PRDM6: variants seen among roughly 807,000 people sequenced by gnomAD.
PRDM6 encodes PR/SET domain 6.
Under a neutral mutation model 60.8 loss-of-function variants are expected in PRDM6, and 25 were observed. That is an observed-to-expected ratio of 0.41 (90% CI 0.30 to 0.57). The LOEUF is 0.57. PRDM6 is among the 20% of genes least tolerant of loss of function. The pLI is 0.27. For missense variants in PRDM6, 839 were observed against 821.3 expected (o/e 1.02, Z -0.26); for synonymous variants, 407 against 357.4 (o/e 1.14, Z -1.57).
intron 3 of PRDM6, among the ~76,000 whole-genome samples, chr5:123,145,007 T>C (rs1019008642): frequency 2.0e-5 from 3 of 152,170 alleles, no homozygotes; most frequent in African/African-American, 4.8e-5. Flanking sequence ...CACAAGGCAC[T>C]ATATGCCAAG....
intron 2 of PRDM6, among the ~76,000 whole-genome samples, chr5:123,092,712 C>T (rs1763869268): frequency 6.6e-6 from 1 of 152,042 alleles, no homozygotes; most frequent in Non-Finnish European, 1.5e-5. Flanking sequence ...ATTAGATTGT[C>T]CTATTAGAGT....
intron 3 of PRDM6, among the ~76,000 whole-genome samples, chr5:123,125,466 G>A (rs1024635758): frequency 6.6e-6 from 1 of 152,204 alleles, no homozygotes; most frequent in Admixed American, 6.5e-5. Flanking sequence ...AAGCTGCGTA[G>A]CACAGTTTAT....
intron 6 of PRDM6, among the ~76,000 whole-genome samples, chr5:123,172,486 A>G (rs1340313553): frequency 6.6e-6 from 1 of 152,214 alleles, no homozygotes; most frequent in Non-Finnish European, 1.5e-5. Context: ...TAGAGGTGAT[A>G]CAAAAGTTAA....
rs180683471 is a variant in PRDM6 at position 123,168,989 on chromosome 5, G to A, written c.1154-1777G>A. On this transcript the variant is annotated intron_variant, in intron 5 of 7. Coordinates refer to ENST00000407847, the MANE Select transcript of PRDM6 (RefSeq NM_001136239.4). ...CTTCGTGCCATGTAGCATTCTCAGA[G>A]ATGATCTGTGGCACAGCATGAGGAG... Among the ~76,000 whole-genome samples, 956 of 152,360 alleles carry A rather than the reference G, an allele frequency of 6.3e-3. 13 individuals carry two copies. Among genetic ancestry groups the A allele is most frequent in the African/African-American group, 0.022 (911 of 41,592 alleles).
chr5:123,145,220 A>T (rs375464), intron 3 of PRDM6, among the ~76,000 whole-genome samples: 81,867 of 152,102 alleles, frequency 0.54, 22,211 homozygotes, highest in East Asian at 0.61. Flanking sequence ...TAGGAATCCC[A>T]TTCTAGACAA....
In PRDM6 at chr5:123,090,048, T is replaced by C; in HGVS notation, c.34T>C (p.Phe12Leu). The C allele has an allele frequency of 6.5e-7, 1 of 1,548,140 alleles. No individual in the cohort carries two copies. Among genetic ancestry groups the C allele is most frequent in the Non-Finnish European group, 8.7e-7 (1 of 1,145,970 alleles). ...GCCCGGAGACCCCGGCGGTTCGGCCTTCCTCAAAGTGGACCCAGCCTACCT... is the reference window on the plus strand; with the variant it reads ...GCCCGGAGACCCCGGCGGTTCGGCCCTCCTCAAAGTGGACCCAGCCTACCT... ...LKPGDPGGSA[F>L]LKVDPAYLQH... Residue 12 changes from phenylalanine to leucine, a missense_variant, in exon 2 of 8, where the codon TTC becomes CTC. By Grantham distance (22) the Phe-to-Leu change is conservative. This residue lies in a region of PRDM6 where 730 missense variants were observed against 648.8 expected (regional missense o/e 1.13). Coordinates refer to ENST00000407847, the MANE Select transcript of PRDM6 (RefSeq NM_001136239.4).
At chr5:123,186,492 T>C (rs1766292206) in intron 7 of PRDM6, among the ~76,000 whole-genome samples, 1 of 152,218 alleles carries the variant, frequency 6.6e-6, no homozygotes, top group South Asian at 2.1e-4. Flanking sequence ...CCACTGCAAA[T>C]TCTAGTTTTA....
intron 3 of PRDM6, among the ~76,000 whole-genome samples, chr5:123,121,737 C>G (rs1284467384): frequency 6.6e-6 from 1 of 152,132 alleles, no homozygotes; most frequent in Non-Finnish European, 1.5e-5. Flanking sequence ...TCCTTCCCCC[C>G]CAAATATTTT....
At chr5:123,089,916 A>C in intron 1 of PRDM6, 84 bp from the exon 2 acceptor site, 1 of 1,003,780 alleles carries the variant, frequency 1.0e-6, no homozygotes, top group Non-Finnish European at 1.4e-6. Context: ...CGGCTCGGGC[A>C]CTTTCTCCAG....
intron 3 of PRDM6, among the ~76,000 whole-genome samples, chr5:123,139,319 G>A (rs944791701): frequency 2.6e-5 from 4 of 152,000 alleles, no homozygotes; most frequent in Non-Finnish European, 5.9e-5. Flanking sequence ...ATTTCTTAAA[G>A]TAGAGGTCTA....
chr5:123,177,283 C>A (rs975179492), intron 6 of PRDM6, among the ~76,000 whole-genome samples: 1 of 152,106 alleles, frequency 6.6e-6, no homozygotes, highest in African/African-American at 2.4e-5. Context: ...TTAAAGGAAT[C>A]TTGTCTACTT....
At chr5:123,110,531 C>T (rs1354235299) in intron 3 of PRDM6, among the ~76,000 whole-genome samples, 15 of 147,464 alleles carry the variant, frequency 1.0e-4, no homozygotes, top group Admixed American at 7.5e-4. Flanking sequence ...GGATTACAGG[C>T]GTGAGCCACT....
At chr5:123,159,369 G>T in intron 4 of PRDM6, 145 bp from the exon 5 acceptor site, 1 of 846,270 alleles carries the variant, frequency 1.2e-6, no homozygotes, top group Non-Finnish European at 1.8e-6. Context: ...TTGGTTGCTG[G>T]GGACAATCAG....
At chr5:123,143,148 A>AGTGTAT (rs1554088553) in intron 3 of PRDM6, among the ~76,000 whole-genome samples, 4 of 145,878 alleles carry the variant, frequency 2.7e-5, no homozygotes, top group African/African-American at 1.0e-4. Flanking sequence ...TAGTTTTTAA[A>AGTGTAT]GTGTGTGTGT....
At chr5:123,098,231 C>T (rs1764004170) in intron 2 of PRDM6, among the ~76,000 whole-genome samples, 1 of 152,242 alleles carries the variant, frequency 6.6e-6, no homozygotes, top group Admixed American at 6.5e-5. Flanking sequence ...GAGGGCCACC[C>T]GCCGCCCCGC....
At chr5:123,109,340 A>T (rs779108528) in intron 3 of PRDM6, among the ~76,000 whole-genome samples, 1 of 152,160 alleles carries the variant, frequency 6.6e-6, no homozygotes, top group Non-Finnish European at 1.5e-5. Context: ...ATTGATGGCT[A>T]TGTAAATTAC....
rs967669029 is a variant in PRDM6 at position 123,187,951 on chromosome 5, T to G, written c.*750T>G. On this transcript the variant is annotated 3_prime_UTR_variant, in exon 8 of 8. Transcript: ENST00000407847. ...TACGGAGCTTCATAATACGTTATAT[T>G]GTTCCGAAGCAGCTCGTTGAGAAAC... 6.6e-6 allele frequency: 1 copy of G among 152,022 alleles called. No individual in the cohort carries two copies. The highest frequency in any genetic ancestry group is 2.4e-5 in the African/African-American group (1 of 41,328). The allele number at this position is 152,022 out of a possible 1,614,324, so 9.4% of individuals were successfully genotyped here. A position where few individuals can be genotyped will look rare whatever the true frequency, so the allele number is the denominator to read the frequency against.
chr5:123,170,275 T>C (rs534998320), intron 5 of PRDM6, among the ~76,000 whole-genome samples: 1 of 152,256 alleles, frequency 6.6e-6, no homozygotes, highest in Admixed American at 6.5e-5. Flanking sequence ...GTTCCCTTCA[T>C]CTCTTCAAAT....
At chr5:123,171,208 A>C in intron 6 of PRDM6, 100 bp downstream of exon 6, 1 of 947,514 alleles carries the variant, frequency 1.1e-6, no homozygotes, top group Non-Finnish European at 1.5e-6. Context: ...AAGCCCTGTG[A>C]TTTGTGGTGT....
Sources: allele counts gnomAD v4.1 joint callset (sites outside exome capture counted in the v4.1 genomes callset), GRCh38; gene constraint gnomAD v4.1.1; regional missense constraint gnomAD v4.1.1; transcripts MANE v1.5; gene names NCBI Gene and HGNC (gene_info 2026-07-23, HGNC 2026-07-21).